The following MFSD6 variants were observed in gnomAD, a reference collection of about 807,000 sequenced individuals.
The protein encoded by MFSD6 is major facilitator superfamily domain containing 6.
MFSD6 carries 26 observed loss-of-function variants against 56.3 expected under a neutral mutation model. The ratio of observed to expected loss-of-function variants is 0.46; its 90% confidence interval spans 0.34 to 0.64. The LOEUF is 0.64. Ranked by LOEUF, MFSD6 falls within the 30% of genes least tolerant of loss-of-function variation. The pLI, the probability that MFSD6 is intolerant of heterozygous loss-of-function variation, is 0.01. For synonymous variants in MFSD6, 331 were observed against 366.9 expected (o/e 0.90, Z 1.12); for missense variants, 750 against 986.2 (o/e 0.76, Z 3.21).
In MFSD6 at chr2:190,417,583, T is replaced by G. The variant is rs1462880503; in HGVS notation, c.-54+2170T>G. Among the ~76,000 whole-genome samples the G allele has an allele frequency of 6.6e-6, 1 of 152,156 alleles. No homozygotes were observed. Among genetic ancestry groups the G allele is most frequent in the Non-Finnish European group, 1.5e-5 (1 of 68,024 alleles). On this transcript the variant is annotated intron_variant, in intron 2 of 7. Transcript: ENST00000392328. This position sits in a 1 kb window ranked among gnomAD's most constrained non-coding sequence, Gnocchi z 5.7. The stretch of plus-strand genomic sequence containing the variant: ...TTTTTGGTTGTTCAAATGAATGTCT[T>G]TTTTTCAGTATAATTCCATTGTATT...
At chr2:190,448,205 C>A (rs1029928240) in intron 3 of MFSD6, among the ~76,000 whole-genome samples, 12 of 152,180 alleles carry the variant, frequency 7.9e-5, no homozygotes, top group African/African-American at 2.7e-4. Context: ...ATGGTTCCTG[C>A]AAATTCCATT....
rs10665730 is a variant in MFSD6 at position 190,450,488 on chromosome 2, C to CTTTTTTTTTTTTT, written c.1532+12936_1532+12948dup. Among the ~76,000 whole-genome samples, 26 of 97,254 alleles carry CTTTTTTTTTTTTT rather than the reference C, an allele frequency of 2.7e-4. 2 individuals carry two copies. Among genetic ancestry groups the CTTTTTTTTTTTTT allele is most frequent in the South Asian group, 3.9e-4 (1 of 2,550 alleles). 63.8% of individuals were successfully genotyped at this position (97,254 alleles called of 152,430 possible). A position where few individuals can be genotyped will look rare whatever the true frequency, so the allele number is the denominator to read the frequency against. ...CTAACTTTTTCTTTTTCTCTTTTTC[C>CTTTTTTTTTTTTT]TTTTTTTTTTTTTTTTTTTTTGAGA... On this transcript the variant is annotated intron_variant, in intron 3 of 7. Transcript: ENST00000392328.
Position 190,500,222 on chromosome 2 carries a change from C to T in MFSD6, c.*4C>T. 2 of 1,614,002 alleles carry T rather than the reference C, an allele frequency of 1.2e-6. No homozygotes were observed. The highest frequency in any genetic ancestry group is 1.7e-6 in the Non-Finnish European group (2 of 1,179,966). Reference sequence around the variant, plus strand: ...GCTGGCCGCGGGAGGACACTGAGGGCATCCTGCTCATCTCACACCCTGCAT... The same window carrying T: ...GCTGGCCGCGGGAGGACACTGAGGGTATCCTGCTCATCTCACACCCTGCAT... On this transcript the variant is annotated 3_prime_UTR_variant, in exon 8 of 8. Transcript: ENST00000392328. This position sits in a 1 kb window ranked among gnomAD's most constrained non-coding sequence, Gnocchi z 5.3.
rs1689653683 is a variant in MFSD6, at chr2:190,496,056, C to T, written c.1892-1383C>T. Among the ~76,000 whole-genome samples the T allele has an allele frequency of 6.6e-6, 1 of 152,046 alleles. No homozygotes were observed. The highest frequency in any genetic ancestry group is 2.4e-5 in the African/African-American group (1 of 41,410). ...AACAGTCAGCAGAGTAAACAGACAA[C>T]CCACAGAGTGGGAGAAAATCTTCAG... is the stretch of plus-strand genomic sequence containing the variant. On this transcript the variant is annotated intron_variant, in intron 6 of 7. Coordinates refer to ENST00000392328, the MANE Select transcript of MFSD6 (RefSeq NM_017694.4). This position sits in a 1 kb window ranked among gnomAD's most constrained non-coding sequence, Gnocchi z 4.7.
At position 190,436,269 on chromosome 2, in the gene MFSD6, T is replaced by C. The variant is rs138645405; in HGVS notation, c.240T>C (p.Ser80=). Residue 80 remains serine, a synonymous_variant, in exon 3 of 8, where the codon TCT becomes TCC. Transcript: ENST00000392328. This position sits in a 1 kb window ranked among gnomAD's most constrained non-coding sequence, Gnocchi z 5.3. The part of the protein sequence containing the change: ...ISKVFYFFFY[S]AYGSLYPLLP... ...AGGTCTTTTATTTTTTCTTTTACTC[T>C]GCCTATGGCTCTCTCTATCCCCTTT... 1.9e-6 allele frequency: 3 copies of C among 1,613,896 alleles called. No individual in the cohort carries two copies. The highest frequency in any genetic ancestry group is 2.7e-5 in the African/African-American group (2 of 74,906).
chr2:190,429,528 A>C (rs1374829799), intron 2 of MFSD6, among the ~76,000 whole-genome samples: 1 of 151,884 alleles, frequency 6.6e-6, no homozygotes, highest in Non-Finnish European at 1.5e-5. Context: ...GGGTTTCATC[A>C]TGTTGGCCAG....
In MFSD6 at chr2:190,436,244, A is replaced by G; in HGVS notation, c.215A>G (p.Lys72Arg). Residue 72 changes from lysine to arginine, a missense_variant, in exon 3 of 8, where the codon AAG becomes AGG. Lys to Arg is a conservative substitution (Grantham distance 26). Coordinates refer to ENST00000392328, the MANE Select transcript of MFSD6 (RefSeq NM_017694.4). This position sits in a 1 kb window ranked among gnomAD's most constrained non-coding sequence, Gnocchi z 5.3. ...ATAAACAACGATCTTCTAATTTCCA[A>G]GGTCTTTTATTTTTTCTTTTACTCT... ...VKINNDLLIS[K>R]VFYFFFYSAY... is the part of the protein sequence containing the mutation. 1.2e-6 allele frequency: 2 copies of G among 1,614,018 alleles called. No individual in the cohort carries two copies. The highest frequency in any genetic ancestry group is 1.7e-6 in the Non-Finnish European group (2 of 1,179,972).
chr2:190,488,671 G>A lies in MFSD6; in HGVS notation c.1645G>A (p.Ala549Thr). 1 of 1,557,060 alleles carries A rather than the reference G, an allele frequency of 6.4e-7. No individual in the cohort carries two copies. Among genetic ancestry groups the A allele is most frequent in the Non-Finnish European group, 8.7e-7 (1 of 1,151,804 alleles). The change falls in exon 5 of 8, where the codon GCC (alanine) becomes ACC (threonine). Residue 549 changes from alanine to threonine, a missense_variant. Coordinates refer to ENST00000392328, the MANE Select transcript of MFSD6 (RefSeq NM_017694.4). The surrounding 1 kb of genome is among the most constrained non-coding windows in gnomAD (Gnocchi z 6.4). ...MEVLQGVTHA[A>T]IWAACISYLS... ...TTCCTCTCCAGGAGTGACACACGCGGCCATCTGGGCAGCATGCATTTCTTA... is the reference window on the plus strand; with the variant it reads ...TTCCTCTCCAGGAGTGACACACGCGACCATCTGGGCAGCATGCATTTCTTA...
intron 3 of MFSD6, among the ~76,000 whole-genome samples, chr2:190,449,676 A>G (rs1338698360): frequency 6.6e-6 from 1 of 152,208 alleles, no homozygotes; most frequent in Non-Finnish European, 1.5e-5. Context: ...ATGAAATACT[A>G]TGCAGCCATA....
At chr2:190,475,857 A>C (rs1429281757) in intron 4 of MFSD6, among the ~76,000 whole-genome samples, 2 of 152,214 alleles carry the variant, frequency 1.3e-5, no homozygotes, top group Non-Finnish European at 2.9e-5. Context: ...CTGGTACCAA[A>C]ACAGAGATAT....
chr2:190,478,577 T>A (rs1358608854), intron 4 of MFSD6, among the ~76,000 whole-genome samples: 1 of 152,190 alleles, frequency 6.6e-6, no homozygotes. Flanking sequence ...AAGGAGACTC[T>A]ATTTAGGATG....
chr2:190,482,868 C>CTTATTTTTTT (rs1688758479), intron 4 of MFSD6, among the ~76,000 whole-genome samples: 1 of 48,292 alleles, frequency 2.1e-5, no homozygotes, highest in Non-Finnish European at 3.8e-5. Context: ...AGACTATCAT[C>CTTATTTTTTT]TTTTTTTTTT....
chr2:190,408,675 C>T (rs1296815840), intron 1 of MFSD6, among the ~76,000 whole-genome samples, 172 bp downstream of exon 1: 1 of 150,442 alleles, frequency 6.6e-6, no homozygotes, highest in Non-Finnish European at 1.5e-5. Flanking sequence ...TGTCTCCGCT[C>T]GGGCCTCGCT....
intron 2 of MFSD6, among the ~76,000 whole-genome samples, chr2:190,428,553 T>C (rs1359299954): frequency 6.6e-6 from 1 of 152,232 alleles, no homozygotes; most frequent in African/African-American, 2.4e-5. Flanking sequence ...ATATTTGTTT[T>C]ATACTTACCT....
Position 190,471,526 on chromosome 2 carries a change from G to C in MFSD6, c.1630+1671G>C, listed in dbSNP as rs368098607. Among the ~76,000 whole-genome samples the C allele has an allele frequency of 6.6e-6, 1 of 152,194 alleles. No individual in the cohort carries two copies. Among genetic ancestry groups the C allele is most frequent in the East Asian group, 1.9e-4 (1 of 5,200 alleles). ...GCAGTCTGAGATCAAACTGCAAGGCGGCAGTGAGGCTGGGGGAGGGGCACC... is the reference window on the plus strand; with the variant it reads ...GCAGTCTGAGATCAAACTGCAAGGCCGCAGTGAGGCTGGGGGAGGGGCACC... On this transcript the variant is annotated intron_variant, in intron 4 of 7. Coordinates refer to ENST00000392328, the MANE Select transcript of MFSD6 (RefSeq NM_017694.4). The surrounding 1 kb of genome is among the most constrained non-coding windows in gnomAD (Gnocchi z 4.7).
rs1027423521 is a variant in MFSD6, at chr2:190,443,743, T to A, written c.1532+6182T>A. Among the ~76,000 whole-genome samples, 9 of 152,338 alleles carry A rather than the reference T, an allele frequency of 5.9e-5. No homozygotes were observed. The highest frequency in any genetic ancestry group is 5.2e-4 in the Admixed American group (8 of 15,298). Reference sequence around the variant, plus strand: ...TATATAATAGAATCTTTTGCTCTTATAAACAAAGGTTGTCTTCTTAAAGAT... The same window carrying A: ...TATATAATAGAATCTTTTGCTCTTAAAAACAAAGGTTGTCTTCTTAAAGAT... On this transcript the variant is annotated intron_variant, in intron 3 of 7. Coordinates refer to ENST00000392328, the MANE Select transcript of MFSD6 (RefSeq NM_017694.4). The surrounding 1 kb of genome is among the most constrained non-coding windows in gnomAD (Gnocchi z 4.2).
rs150617435 is a variant in MFSD6 at position 190,493,685 on chromosome 2, A to G, written c.1892-3754A>G. On this transcript the variant is annotated intron_variant, in intron 6 of 7. Coordinates refer to ENST00000392328, the MANE Select transcript of MFSD6 (RefSeq NM_017694.4). ...TATATCAAGTACTCTCTCAGACCAC[A>G]GTGGAATAAAACTGGAAATCAACTC... 4.3e-4 allele frequency among the ~76,000 whole-genome samples: 66 copies of G among 152,340 alleles called. 1 individual carries two copies. In the East Asian group the frequency reaches 0.012, roughly 27 times the overall value.
intron 1 of MFSD6, chr2:190,411,457 C>T (rs1052016800): frequency 7.1e-6 from 7 of 984,820 alleles, no homozygotes; most frequent in Admixed American, 6.2e-5. Context: ...TGCGCCCAGC[C>T]GACAGTGGCT....
rs1687083971 is a variant in MFSD6 at position 190,457,137 on chromosome 2, T to C, written c.1533-12621T>C. ...AAGCCCTTGTCTAGGTTTGATTTCA[T>C]GTAGGGAGCTTGGAGTGTGGAAAAT... On this transcript the variant is annotated intron_variant, in intron 3 of 7. Coordinates refer to ENST00000392328, the MANE Select transcript of MFSD6 (RefSeq NM_017694.4). This position sits in a 1 kb window ranked among gnomAD's most constrained non-coding sequence, Gnocchi z 5.1. Among the ~76,000 whole-genome samples, 1 of 152,206 alleles carries C rather than the reference T, an allele frequency of 6.6e-6. No individual in the cohort carries two copies. The highest frequency in any genetic ancestry group is 6.5e-5 in the Admixed American group (1 of 15,272).
Sources: allele counts gnomAD v4.1 joint callset (sites outside exome capture counted in the v4.1 genomes callset), GRCh38; gene constraint gnomAD v4.1.1; non-coding constraint Gnocchi (gnomAD v3.1); transcripts MANE v1.5; gene names NCBI Gene and HGNC (gene_info 2026-07-23, HGNC 2026-07-21).